The following ACOT11 variants were observed in gnomAD, a reference collection of about 807,000 sequenced individuals.
ACOT11 encodes acyl-CoA thioesterase 11.
Under a neutral mutation model 77.5 loss-of-function variants are expected in ACOT11, and 69 were observed. The observed-to-expected ratio is 0.89, with a 90% CI of 0.73 to 1.09. The LOEUF (loss-of-function observed/expected upper bound fraction) is 1.09. Among genes scored for constraint, ACOT11 ranks in the 50% least tolerant of loss-of-function variants. The pLI is 0.00. For missense variants in ACOT11, 766 were observed against 813.7 expected (o/e 0.94, Z 0.71); for synonymous variants, 279 against 313.0 (o/e 0.89, Z 1.15).
chr1:54,571,071 C>CTCTCTCTCTCTCTCTCTCT (rs779276330), intron 1 of ACOT11, among the ~76,000 whole-genome samples: 7 of 141,830 alleles, frequency 4.9e-5, no homozygotes, highest in African/African-American at 1.8e-4. Flanking sequence ...TTCTCTCTCT[C>CTCTCTCTCTCTCTCTCTCT]TTTTTTTTTT....
At chr1:54,593,839 C>A in intron 4 of ACOT11, 102 bp from the exon 5 acceptor site, 1 of 967,736 alleles carries the variant, frequency 1.0e-6, no homozygotes, top group Non-Finnish European at 1.6e-6. Context: ...ACTCTGGAGG[C>A]CTGGCCTGGG....
intron 7 of ACOT11, 109 bp downstream of exon 7, chr1:54,597,524 C>T: frequency 1.5e-6 from 2 of 1,352,234 alleles, no homozygotes; most frequent in South Asian, 1.5e-5. Flanking sequence ...TTCAAGGCTT[C>T]AGAAGCTTGG....
At chr1:54,622,853 A>G (rs1384456188) in intron 15 of ACOT11, among the ~76,000 whole-genome samples, 4 of 149,962 alleles carry the variant, frequency 2.7e-5, no homozygotes, top group African/African-American at 9.8e-5. Flanking sequence ...GGATGGGGGA[A>G]TGAGGCTTGG....
Position 54,609,312 on chromosome 1 carries a change from GGGGTAGCCTGTAGTAGACTC to G in ACOT11, c.*205_*224del, listed in dbSNP as rs758796531. On this transcript the variant is annotated 3_prime_UTR_variant, in exon 16 of 16. Transcript: ENST00000343744. ...GCCAGCAAGTCCTTGTGGTAGCCCT[GGGGTAGCCTGTAGTAGACTC>G]GGGTCCTGTCCACAGCCCTAGCTGC... 115 of 1,612,642 alleles carry G rather than the reference GGGGTAGCCTGTAGTAGACTC, an allele frequency of 7.1e-5. No individual in the cohort carries two copies. The highest frequency in any genetic ancestry group is 8.3e-5 in the Non-Finnish European group (98 of 1,179,012).
chr1:54,554,353 T>TATATATATATATA (rs1557644014), intron 1 of ACOT11, among the ~76,000 whole-genome samples: 2 of 33,432 alleles, frequency 6.0e-5, no homozygotes, highest in African/African-American at 9.1e-5. Context: ...ATATATATAT[T>TATATATATATATA]TTTTTTTTTT....
chr1:54,597,523 T>G, intron 7 of ACOT11, 108 bp downstream of exon 7: 1 of 1,358,484 alleles, frequency 7.4e-7, no homozygotes, highest in South Asian at 1.5e-5. Context: ...ATTCAAGGCT[T>G]CAGAAGCTTG....
intron 1 of ACOT11, 43 bp downstream of exon 1, chr1:54,548,385 G>T: frequency 1.3e-6 from 2 of 1,581,512 alleles, no homozygotes; most frequent in East Asian, 2.3e-5. Context: ...TCTGGAAGCT[G>T]GGCACCCAGA....
At chr1:54,558,650 G>A (rs1653354426) in intron 1 of ACOT11, among the ~76,000 whole-genome samples, 2 of 152,174 alleles carry the variant, frequency 1.3e-5, no homozygotes, top group Non-Finnish European at 2.9e-5. Flanking sequence ...AGGCTGGGGC[G>A]AGCTTGGTGC....
Position 54,593,829 on chromosome 1 carries a change from A to G in ACOT11, c.373-112A>G, listed in dbSNP as rs1654799451. On this transcript the variant is annotated intron_variant, in intron 4 of 15. Transcript: ENST00000343744. ...CCCAGACCTGGTAGGTGGTGCAGAA[A>G]CTCTGGAGGCCTGGCCTGGGCTGGG... is the stretch of plus-strand genomic sequence containing the variant. The G allele has an allele frequency of 1.1e-5, 10 of 876,638 alleles. No individual in the cohort carries two copies. In the South Asian group the frequency reaches 1.6e-4, roughly 14 times the overall value. The allele number at this position is 876,638 out of a possible 1,614,324, so 54.3% of individuals were successfully genotyped here. A position where few individuals can be genotyped will look rare whatever the true frequency, so the allele number is the denominator to read the frequency against.
exon 17 of ACOT11, chr1:54,634,848 G>A (rs546847425): frequency 5.3e-5 from 32 of 607,824 alleles, no homozygotes; most frequent in South Asian, 2.7e-4. Context: ...AGCAACACCC[G>A]TCGAACACAG....
At chr1:54,554,204 A>C (rs1468844383) in intron 1 of ACOT11, among the ~76,000 whole-genome samples, 1 of 149,638 alleles carries the variant, frequency 6.7e-6, no homozygotes, top group Non-Finnish European at 1.5e-5. Context: ...AAAAAAAAAA[A>C]CTCCACCATA....
intron 15 of ACOT11, among the ~76,000 whole-genome samples, chr1:54,615,458 G>T (rs1035053433): frequency 6.6e-6 from 1 of 152,142 alleles, no homozygotes; most frequent in Non-Finnish European, 1.5e-5. Flanking sequence ...CTTCAGGTGC[G>T]TGTGTGTGGT....
chr1:54,609,583 A>G lies in ACOT11; in HGVS notation c.*471A>G, dbSNP rs1285674489. 4 of 1,612,946 alleles carry G rather than the reference A, an allele frequency of 2.5e-6. No individual in the cohort carries two copies. In the Admixed American group the frequency reaches 6.7e-5, roughly 27 times the overall value. On this transcript the variant is annotated 3_prime_UTR_variant, in exon 16 of 16. Transcript: ENST00000343744. ...TGTAGCCACTGCCCAGCACCTCCTC[A>G]GGCCAGCCTGGTGCCACAGTCACGT...
intron 1 of ACOT11, among the ~76,000 whole-genome samples, chr1:54,577,437 A>G (rs1654153808): frequency 6.6e-6 from 1 of 152,148 alleles, no homozygotes; most frequent in Non-Finnish European, 1.5e-5. Context: ...TTTGAAATTC[A>G]TCTATGTTTT....
chr1:54,605,121 A>C lies in ACOT11; in HGVS notation c.1282A>C (p.Met428Leu). The part of the protein sequence containing the change: ...LEDDKFLSFH[M>L]EMVVHVDAAQ... ...GGATGACAAGTTCCTCTCCTTCCAC[A>C]TGGAGATGGTGGTGCATGTGGATGC... Residue 428 changes from methionine (M) to leucine (L), a missense_variant, in exon 13 of 16, where the codon ATG (methionine) becomes CTG (leucine). Physicochemically the swap from Met to Leu is conservative, Grantham distance 15 (BLOSUM62 2). Transcript: ENST00000343744. 6.2e-7 allele frequency: 1 copy of C among 1,613,854 alleles called. No homozygotes were observed. The highest frequency in any genetic ancestry group is 8.5e-7 in the Non-Finnish European group (1 of 1,179,972).
rs750980009 is a variant in ACOT11 at position 54,605,144 on chromosome 1, T to C, written c.1305T>C (p.Asp435=). 2 of 1,614,032 alleles carry C rather than the reference T, an allele frequency of 1.2e-6. No homozygotes were observed. The highest frequency in any genetic ancestry group is 1.7e-6 in the Non-Finnish European group (2 of 1,180,036). The part of the protein sequence containing the change: ...SFHMEMVVHV[D]AAQAFLLLSD... The stretch of plus-strand genomic sequence containing the variant: ...ACATGGAGATGGTGGTGCATGTGGA[T>C]GCAGCCCAGGCCTTCCTGCTGCTCT... The change falls in exon 13 of 16, where the codon GAT becomes GAC. Residue 435 remains aspartate, a synonymous_variant. Transcript: ENST00000343744.
intron 13 of ACOT11, 125 bp downstream of exon 13, chr1:54,605,334 T>A: frequency 1.0e-5 from 14 of 1,356,814 alleles, no homozygotes; most frequent in Non-Finnish European, 1.4e-5. Flanking sequence ...GGGTTGGAGT[T>A]CCATGCTGGG....
At chr1:54,591,616 G>C (rs60764274) in intron 3 of ACOT11, among the ~76,000 whole-genome samples, 7,848 of 152,292 alleles carry the variant, frequency 0.052, 652 homozygotes, top group African/African-American at 0.18. Flanking sequence ...CCGGCCTTTA[G>C]CCTCCTGCCC....
At position 54,610,201 on chromosome 1, in the gene ACOT11, A is replaced by G. The variant is rs1644101598; in HGVS notation, c.*1089A>G. The G allele has an allele frequency of 7.0e-7, 1 of 1,433,866 alleles. No individual in the cohort carries two copies. The highest frequency in any genetic ancestry group is 9.1e-7 in the Non-Finnish European group (1 of 1,099,458). 88.8% of individuals were successfully genotyped at this position (1,433,866 alleles called of 1,614,324 possible). A position where few individuals can be genotyped will look rare whatever the true frequency, so the allele number is the denominator to read the frequency against. ...GTGCCGGCCTTGCCTGCAGCAATGTAGCTGAGGACTGGTCTGAAGGCCAGG... is the reference window on the plus strand; with the variant it reads ...GTGCCGGCCTTGCCTGCAGCAATGTGGCTGAGGACTGGTCTGAAGGCCAGG... On this transcript the variant is annotated 3_prime_UTR_variant, in exon 16 of 16. Coordinates refer to ENST00000343744, the MANE Select transcript of ACOT11 (RefSeq NM_147161.4).
Sources: gnomAD v4.1 joint callset for allele counts (sites outside exome capture counted in the v4.1 genomes callset) on GRCh38, gnomAD v4.1.1 for gene constraint, MANE v1.5 for transcripts, NCBI Gene and HGNC (gene_info 2026-07-23, HGNC 2026-07-21) for gene names.